Variants in SETD2 observed in about 807,000 individuals in gnomAD.
SETD2 encodes SET domain containing 2, histone lysine methyltransferase.
In SETD2, 31 loss-of-function variants were observed where a neutral mutation model predicts 242.1. The observed-to-expected ratio is 0.13, with a 90% confidence interval of 0.10 to 0.17. SETD2 has a LOEUF of 0.17. SETD2 is among the 10% of genes least tolerant of loss of function. The probability of loss-of-function intolerance (pLI) is 1.00; values close to 1 mark genes in which losing one functional copy is unlikely to be tolerated. For missense variants in SETD2, 2,481 were observed against 3,046.3 expected (o/e 0.81, Z 4.37); for synonymous variants, 1,006 against 1,066.5 (o/e 0.94, Z 1.11).
intron 18 of SETD2, among the ~76,000 whole-genome samples, chr3:47,024,660 A>G (rs1288849640): frequency 6.6e-6 from 1 of 152,214 alleles, no homozygotes; most frequent in Non-Finnish European, 1.5e-5. Flanking sequence ...TGAAAAATAC[A>G]TTGGCTCTTG....
intron 15 of SETD2, among the ~76,000 whole-genome samples, chr3:47,056,092 A>G (rs1326955259): frequency 8.8e-6 from 1 of 113,004 alleles, no homozygotes; most frequent in African/African-American, 3.5e-5. Flanking sequence ...AGAAAACATG[A>G]TTTTTATTTA....
chr3:47,017,393 T>C lies in SETD2; in HGVS notation c.7534-139A>G, dbSNP rs1409014932. ...CAGGAAGTTAATAAGGGGGTAGATG[T>C]TGGGGCAGGCTGGTGCTATGATCAC... is the stretch of plus-strand genomic sequence containing the variant. On this transcript the variant is annotated intron_variant, in intron 20 of 20. Transcript: ENST00000409792. The surrounding 1 kb of genome is among the most constrained non-coding windows in gnomAD (Gnocchi z 4.8). The C allele has an allele frequency of 3.3e-6, 3 of 922,808 alleles. No individual in the cohort carries two copies. Among genetic ancestry groups the C allele is most frequent in the Non-Finnish European group, 4.9e-6 (3 of 618,046 alleles). The allele number at this position is 922,808 out of a possible 1,614,324, so 57.2% of individuals were successfully genotyped here. A position where few individuals can be genotyped will look rare whatever the true frequency, so the allele number is the denominator to read the frequency against.
chr3:47,045,679 CAG>C (rs1383798304), intron 16 of SETD2, among the ~76,000 whole-genome samples: 1 of 89,562 alleles, frequency 1.1e-5, no homozygotes, highest in Non-Finnish European at 2.1e-5. Context: ...GCCTAGGTGA[CAG>C]AGTTAAAAAA....
At chr3:47,044,502 TGTCTA>T (rs2039433658) in intron 16 of SETD2, among the ~76,000 whole-genome samples, 2 of 152,106 alleles carry the variant, frequency 1.3e-5, no homozygotes, top group Non-Finnish European at 2.9e-5. Context: ...CTAACTGTCC[TGTCTA>T]AAGTCATCAT....
At chr3:47,058,302 C>T (rs1395966360) in intron 14 of SETD2, among the ~76,000 whole-genome samples, 1 of 151,454 alleles carries the variant, frequency 6.6e-6, no homozygotes, top group Non-Finnish European at 1.5e-5. Context: ...TTAGCTGGGC[C>T]TGGTGGTGTG....
At position 47,121,161 on chromosome 3, in the gene SETD2, C is replaced by G. The variant is rs755283712; in HGVS notation, c.3475G>C (p.Glu1159Gln). ...CCATCACTCTGAGGATGAGAAAGTT[C>G]AGGCAGGCGATTATCTATTTGTTTT... is the stretch of plus-strand genomic sequence containing the variant. ...SRKQIDNRLP[E>Q]LSHPQSDGVD... Residue 1159 changes from glutamate (E) to glutamine (Q), a missense_variant, in exon 3 of 21, where the codon GAA becomes CAA. Glu to Gln is a conservative substitution (Grantham distance 29, BLOSUM62 2). Transcript: ENST00000409792. 6.2e-7 allele frequency: 1 copy of G among 1,614,144 alleles called. No individual in the cohort carries two copies. The highest frequency in any genetic ancestry group is 8.5e-7 in the Non-Finnish European group (1 of 1,179,980).
chr3:47,021,285 C>G lies in SETD2; in HGVS notation c.7351-1445G>C, dbSNP rs138092475. Among the ~76,000 whole-genome samples, 1,070 of 152,238 alleles carry G rather than the reference C, an allele frequency of 7.0e-3. 12 individuals are homozygous for G. Among genetic ancestry groups the G allele is most frequent in the African/African-American group, 0.025 (1,019 of 41,534 alleles). ...AAGTCAGCAGCAACAGAAATGAGTA[C>G]AGAAAGCCCCTTCAGGTCTGGGTAT... On this transcript the variant is annotated intron_variant, in intron 18 of 20. Transcript: ENST00000409792.
At chr3:47,134,477 T>C (rs1449178809) in intron 1 of SETD2, among the ~76,000 whole-genome samples, 3 of 152,148 alleles carry the variant, frequency 2.0e-5, no homozygotes, top group Admixed American at 6.6e-5. Flanking sequence ...AAACCTCTTC[T>C]AAACACACTG....
chr3:47,097,923 T>C (rs559315267), intron 9 of SETD2, 32 bp downstream of exon 9: 15 of 1,607,688 alleles, frequency 9.3e-6, no homozygotes, highest in Admixed American at 6.7e-5. Flanking sequence ...AAATTTTTTA[T>C]TGTGAAAGTT....
chr3:47,061,313 T>C (rs1044806879), intron 14 of SETD2, among the ~76,000 whole-genome samples: 3 of 152,010 alleles, frequency 2.0e-5, no homozygotes, highest in South Asian at 2.1e-4. Flanking sequence ...AACAGACACA[T>C]AGACCAACAG....
chr3:47,034,360 C>T (rs2038909690), intron 18 of SETD2, among the ~76,000 whole-genome samples: 1 of 152,102 alleles, frequency 6.6e-6, no homozygotes, highest in South Asian at 2.1e-4. Flanking sequence ...CATGTACCTC[C>T]CCCAACACAC....
intron 1 of SETD2, among the ~76,000 whole-genome samples, chr3:47,146,015 CAAAAAAAAAAA>C (rs1171574770): frequency 1.0e-4 from 4 of 38,692 alleles, no homozygotes; most frequent in African/African-American, 2.8e-4. Context: ...GACCCTGTCT[CAAAAAAAAAAA>C]AAAAAAAAAA....
chr3:47,104,482 G>A (rs2042333093), intron 6 of SETD2, among the ~76,000 whole-genome samples: 1 of 151,936 alleles, frequency 6.6e-6, no homozygotes, highest in Admixed American at 6.6e-5. Context: ...CAAGGCTGCT[G>A]TAAGCTATCA....
chr3:47,121,464 C>T lies in SETD2; in HGVS notation c.3172G>A (p.Asp1058Asn), dbSNP rs764760126. The T allele has an allele frequency of 6.2e-7, 1 of 1,613,434 alleles. No individual in the cohort carries two copies. Among genetic ancestry groups the T allele is most frequent in the Non-Finnish European group, 8.5e-7 (1 of 1,179,980 alleles). Residue 1058 changes from aspartate to asparagine, a missense_variant, in exon 3 of 21, where the codon GAT becomes AAT. Transcript: ENST00000409792. ...ESDSEDTDSD[D>N]SSIPRNRLQS... ...AGACGGTTTCTTGGAATACTGCTAT[C>T]ATCCGAATCTGTATCTTCTGAATCA...
At position 47,044,043 on chromosome 3, in the gene SETD2, T is replaced by C. The variant is rs1270044189; in HGVS notation, c.7099-1343A>G. Reference sequence around the variant, plus strand: ...ACAAATGGAAACTTATTTATGTTTGTATTAAAAATGCCTAGTCGGCCAAGC... The same window carrying C: ...ACAAATGGAAACTTATTTATGTTTGCATTAAAAATGCCTAGTCGGCCAAGC... On this transcript the variant is annotated intron_variant, in intron 16 of 20. Coordinates refer to ENST00000409792, the MANE Select transcript of SETD2 (RefSeq NM_014159.7). 3.3e-5 allele frequency among the ~76,000 whole-genome samples: 5 copies of C among 152,072 alleles called. 1 individual carries two copies. The highest frequency in any genetic ancestry group is 7.4e-5 in the Non-Finnish European group (5 of 68,010).
chr3:47,114,781 A>G (rs2042790472), intron 4 of SETD2, among the ~76,000 whole-genome samples: 1 of 149,132 alleles, frequency 6.7e-6, no homozygotes, highest in Non-Finnish European at 1.5e-5. Context: ...TGGGAGGCTG[A>G]GGCAGGAGAA....
In SETD2 at chr3:47,084,678, G is replaced by A. The variant is rs556230738; in HGVS notation, c.5398-296C>T. 1.2e-4 allele frequency among the ~76,000 whole-genome samples: 18 copies of A among 151,154 alleles called. 1 individual carries two copies. The highest frequency in any genetic ancestry group is 9.9e-4 in the Admixed American group (15 of 15,174). ...TGACCTCAAGTGATCCACCCACCTC[G>A]GCCTCCCAAAATGCTGGGATTACCA... On this transcript the variant is annotated intron_variant, in intron 11 of 20. Transcript: ENST00000409792.
At chr3:47,144,555 A>C (rs943084835) in intron 1 of SETD2, among the ~76,000 whole-genome samples, 12 of 152,212 alleles carry the variant, frequency 7.9e-5, no homozygotes, top group African/African-American at 2.4e-4. Context: ...AGGCAGGAGA[A>C]TCGCTTGAAC....
chr3:47,140,784 C>A (rs2043709304), intron 1 of SETD2, among the ~76,000 whole-genome samples: 1 of 152,084 alleles, frequency 6.6e-6, no homozygotes, highest in Non-Finnish European at 1.5e-5. Context: ...TTACTTGAAT[C>A]CCAGTGGGGT....
Sources: gnomAD v4.1 joint callset for allele counts (sites outside exome capture counted in the v4.1 genomes callset) on GRCh38, gnomAD v4.1.1 for gene constraint, Gnocchi (gnomAD v3.1) non-coding constraint, MANE v1.5 for transcripts, NCBI Gene and HGNC (gene_info 2026-07-23, HGNC 2026-07-21) for gene names.